The following SCMH1 variants were observed in gnomAD, a reference collection of about 807,000 sequenced individuals.
SCMH1 encodes the protein Scm polycomb group protein homolog 1, also known as polycomb protein SCMH1.
A neutral mutation model predicts 70.8 loss-of-function variants in SCMH1; 37 were observed. That is an observed-to-expected ratio of 0.52 (90% CI 0.40 to 0.69). The LOEUF (loss-of-function observed/expected upper bound fraction) is 0.69, where lower values mean the gene tolerates loss of function less well. SCMH1 is among the 30% of genes least tolerant of loss of function. The pLI is 0.00. For missense variants in SCMH1, 607 were observed against 827.3 expected, an observed-to-expected ratio of 0.73 and a Z score of 3.27; for synonymous variants, 292 against 307.4, an observed-to-expected ratio of 0.95 and a Z score of 0.52.
chr1:41,070,814 A>G, intron 9 of SCMH1, 93 bp from the exon 10 acceptor site: 2 of 1,427,928 alleles, frequency 1.4e-6, no homozygotes, highest in South Asian at 2.6e-5. Flanking sequence ...GCAAAAATAT[A>G]TTTATGGATG....
intron 8 of SCMH1, among the ~76,000 whole-genome samples, chr1:41,076,174 T>C (rs1469219602): frequency 6.6e-6 from 1 of 152,202 alleles, no homozygotes; most frequent in Non-Finnish European, 1.5e-5. Flanking sequence ...CCCTTATATG[T>C]TGAGCTCTCT....
At chr1:41,238,472 CCTT>C (rs984999473) in intron 1 of SCMH1, among the ~76,000 whole-genome samples, 1 of 152,186 alleles carries the variant, frequency 6.6e-6, no homozygotes, top group African/African-American at 2.4e-5. Flanking sequence ...AACCCCTCCT[CCTT>C]CAAGGTTTGC....
intron 5 of SCMH1, among the ~76,000 whole-genome samples, chr1:41,150,259 T>C (rs531089564): frequency 6.6e-6 from 1 of 152,300 alleles, no homozygotes; most frequent in East Asian, 1.9e-4. Context: ...TCCCACCACT[T>C]TGGGAGGCCA....
intron 6 of SCMH1, among the ~76,000 whole-genome samples, chr1:41,132,097 G>C (rs1248583676): frequency 6.6e-6 from 1 of 152,116 alleles, no homozygotes; most frequent in East Asian, 1.9e-4. Flanking sequence ...GGTATTTCTA[G>C]TTCTAGATCC....
intron 8 of SCMH1, among the ~76,000 whole-genome samples, chr1:41,108,590 TG>T (rs1437872101): frequency 3.9e-5 from 6 of 152,364 alleles, no homozygotes; most frequent in Admixed American, 1.3e-4. Context: ...GTTGGACGCT[TG>T]GTAGTTACTA....
intron 8 of SCMH1, among the ~76,000 whole-genome samples, chr1:41,111,365 A>T (rs1572221228): frequency 6.6e-6 from 1 of 152,166 alleles, no homozygotes; most frequent in Admixed American, 6.5e-5. Flanking sequence ...TTTGAGACAG[A>T]GTCTCGCTCT....
At chr1:41,236,242 A>C (rs1662352017) in intron 1 of SCMH1, among the ~76,000 whole-genome samples, 1 of 152,200 alleles carries the variant, frequency 6.6e-6, no homozygotes, top group South Asian at 2.1e-4. Context: ...AATGGTCCAG[A>C]TATAGTGGAG....
intron 2 of SCMH1, among the ~76,000 whole-genome samples, chr1:41,178,353 A>G (rs999204032): frequency 6.6e-6 from 1 of 152,218 alleles, no homozygotes; most frequent in African/African-American, 2.4e-5. Context: ...TAACCAGCTA[A>G]CATCATAATG....
chr1:41,176,560 C>T (rs1016618654), intron 2 of SCMH1, among the ~76,000 whole-genome samples: 3 of 152,328 alleles, frequency 2.0e-5, no homozygotes, highest in East Asian at 1.9e-4. Flanking sequence ...CCTAATACTG[C>T]GCTTTTCCAA....
exon 15 of SCMH1, chr1:41,028,206 C>T: frequency 6.2e-7 from 1 of 1,614,166 alleles, no homozygotes. Flanking sequence ...AGAACTTGCC[C>T]TGCTTCAGCC....
exon 15 of SCMH1, chr1:41,028,052 G>T: frequency 1.1e-6 from 1 of 943,152 alleles, no homozygotes; most frequent in South Asian, 1.6e-5. Flanking sequence ...CTGTGGCTAG[G>T]AGTGGTGGCT....
chr1:41,102,084 AG>A (rs1666777870), intron 8 of SCMH1, among the ~76,000 whole-genome samples: 1 of 152,242 alleles, frequency 6.6e-6, no homozygotes, highest in African/African-American at 2.4e-5. Context: ...ATTTATCATC[AG>A]ATTTCTCGTC....
chr1:41,205,405 C>T (rs775828091), intron 1 of SCMH1, among the ~76,000 whole-genome samples: 30 of 152,238 alleles, frequency 2.0e-4, no homozygotes, highest in Non-Finnish European at 3.4e-4. Context: ...GTGCCTGGCT[C>T]GGCAGGTCCC....
intron 2 of SCMH1, among the ~76,000 whole-genome samples, chr1:41,184,623 C>T (rs1320827850): frequency 1.3e-5 from 2 of 152,054 alleles, no homozygotes; most frequent in Non-Finnish European, 2.9e-5. Context: ...TGGAGGCATT[C>T]GACAAAGCAT....
exon 11 of SCMH1, chr1:41,048,832 G>C (rs768909374): frequency 5.0e-6 from 8 of 1,614,216 alleles, no homozygotes; most frequent in Non-Finnish European, 5.9e-6. Context: ...GGAGTTGCTG[G>C]ACCTTCTTCT....
At chr1:41,124,384 G>A (rs193108946) in intron 6 of SCMH1, among the ~76,000 whole-genome samples, 77 of 152,160 alleles carry the variant, frequency 5.1e-4, no homozygotes, top group African/African-American at 1.8e-3. Flanking sequence ...TTTAAATACA[G>A]GATCCAATCA....
At chr1:41,161,947 C>A (rs1226281749) in intron 2 of SCMH1, among the ~76,000 whole-genome samples, 4 of 152,216 alleles carry the variant, frequency 2.6e-5, no homozygotes, top group Non-Finnish European at 4.4e-5. Context: ...GGAGCAGCTG[C>A]TGTCATCATG....
chr1:41,152,385 G>C (rs1291901760), intron 4 of SCMH1, among the ~76,000 whole-genome samples: 10 of 152,198 alleles, frequency 6.6e-5, no homozygotes, highest in Non-Finnish European at 1.2e-4. Context: ...TGGGGAGTCT[G>C]TAGAATCTTT....
chr1:41,048,625 A>G, intron 11 of SCMH1, 65 bp downstream of exon 11: 4 of 1,459,432 alleles, frequency 2.7e-6, no homozygotes, highest in Non-Finnish European at 3.8e-6. Context: ...GCCTTACAAG[A>G]AATCAACCAG....
Sources: gnomAD v4.1 joint callset for allele counts (sites outside exome capture counted in the v4.1 genomes callset) on GRCh38, gnomAD v4.1.1 for gene constraint, MANE v1.5 for transcripts, NCBI Gene and HGNC (gene_info 2026-07-23, HGNC 2026-07-21) for gene names.